Variants in CTDSPL2 observed in about 807,000 individuals in gnomAD.
The protein encoded by CTDSPL2 is CTD small phosphatase-like protein 2.
In CTDSPL2, 5 loss-of-function variants were observed where a neutral mutation model predicts 60.0. The observed-to-expected ratio is 0.08, with a 90% CI of 0.04 to 0.18. The LOEUF is 0.18. CTDSPL2 is among the 10% of genes least tolerant of loss of function. CTDSPL2 has a pLI of 1.00. For missense variants in CTDSPL2, 370 were observed against 548.8 expected (o/e 0.67, Z 3.26); for synonymous variants, 186 against 189.3 (o/e 0.98, Z 0.14).
chr15:44,513,071 CAA>C (rs1182992155), intron 8 of CTDSPL2, among the ~76,000 whole-genome samples: 1 of 99,142 alleles, frequency 1.0e-5, no homozygotes, highest in Non-Finnish European at 2.2e-5. Context: ...GACTCCTTCT[CAA>C]AAAAAAAAAA....
chr15:44,482,517 A>T (rs893711784), intron 2 of CTDSPL2, among the ~76,000 whole-genome samples: 3 of 152,076 alleles, frequency 2.0e-5, no homozygotes, highest in Non-Finnish European at 4.4e-5. Context: ...TGTAGTTGAA[A>T]CTGCTGTATT....
chr15:44,462,536 A>G (rs142263338), intron 2 of CTDSPL2, among the ~76,000 whole-genome samples: 3 of 151,916 alleles, frequency 2.0e-5, no homozygotes, highest in African/African-American at 4.8e-5. Flanking sequence ...TCGTGCTCCT[A>G]TGAGAATTTG....
At chr15:44,485,447 A>G (rs764267796) in intron 3 of CTDSPL2, among the ~76,000 whole-genome samples, 20 of 152,326 alleles carry the variant, frequency 1.3e-4, no homozygotes, top group Admixed American at 1.0e-3. Flanking sequence ...TCAGGATGAA[A>G]CTGTTCCATC....
chr15:44,440,898 G>T (rs180998729), intron 1 of CTDSPL2, among the ~76,000 whole-genome samples: 1 of 152,120 alleles, frequency 6.6e-6, no homozygotes, highest in Non-Finnish European at 1.5e-5. Context: ...TGTTGTTGCA[G>T]AGGGTACCTT....
At chr15:44,466,203 C>T (rs1170281782) in intron 2 of CTDSPL2, among the ~76,000 whole-genome samples, 5 of 152,122 alleles carry the variant, frequency 3.3e-5, no homozygotes, top group Non-Finnish European at 5.9e-5. Context: ...TCCCAAAGTG[C>T]TGGGATTACA....
rs939885404 is a variant in CTDSPL2, at chr15:44,455,976, G to A, written c.-24-3015G>A. ...CGCCATTCTCCTGCCTCAGCCTCCCGAGTAGCTGGGACTACAGGCGCCCGC... is the reference window on the plus strand; with the variant it reads ...CGCCATTCTCCTGCCTCAGCCTCCCAAGTAGCTGGGACTACAGGCGCCCGC... On this transcript the variant is annotated intron_variant, in intron 1 of 12. Coordinates refer to ENST00000260327, the MANE Select transcript of CTDSPL2 (RefSeq NM_016396.3). 2.0e-4 allele frequency among the ~76,000 whole-genome samples: 29 copies of A among 145,044 alleles called. No homozygotes were observed. The South Asian group carries it at 6.1e-3, about 31-fold the overall frequency.
chr15:44,448,119 T>G, intron 1 of CTDSPL2: 1 of 254,102 alleles, frequency 3.9e-6, no homozygotes, highest in Admixed American at 4.3e-5. Context: ...CCCCCATACC[T>G]GCAGGAACCA....
intron 1 of CTDSPL2, among the ~76,000 whole-genome samples, chr15:44,458,660 G>A (rs1314389884): frequency 2.0e-5 from 3 of 152,136 alleles, no homozygotes; most frequent in Non-Finnish European, 4.4e-5. Context: ...TTTGTCGAAC[G>A]AACGATTAAA....
intron 2 of CTDSPL2, among the ~76,000 whole-genome samples, chr15:44,471,680 A>G (rs897513000): frequency 2.0e-5 from 3 of 152,174 alleles, no homozygotes; most frequent in Non-Finnish European, 4.4e-5. Flanking sequence ...TAAATTCAGT[A>G]GCTTTTAGTA....
chr15:44,487,806 G>A (rs565644239), intron 4 of CTDSPL2, among the ~76,000 whole-genome samples: 11 of 152,244 alleles, frequency 7.2e-5, no homozygotes, highest in African/African-American at 2.6e-4. Context: ...CAAGGTGAAA[G>A]CAATTTTATT....
chr15:44,478,564 A>G (rs554938074), intron 2 of CTDSPL2, among the ~76,000 whole-genome samples: 2 of 151,916 alleles, frequency 1.3e-5, no homozygotes, highest in South Asian at 4.2e-4. Flanking sequence ...TGCTGGATAT[A>G]AAATCCTTAA....
intron 2 of CTDSPL2, among the ~76,000 whole-genome samples, chr15:44,483,151 C>T (rs994691935): frequency 6.6e-6 from 1 of 151,578 alleles, no homozygotes; most frequent in East Asian, 1.9e-4. Context: ...CCCAGCTACT[C>T]GGGAGGCTCA....
At chr15:44,438,173 A>T (rs1372415272) in intron 1 of CTDSPL2, among the ~76,000 whole-genome samples, 1 of 152,014 alleles carries the variant, frequency 6.6e-6, no homozygotes, top group East Asian at 1.9e-4. Context: ...CTGGGGCAGG[A>T]GAATGGCGTG....
intron 12 of CTDSPL2, among the ~76,000 whole-genome samples, chr15:44,522,923 T>C (rs1353892429): frequency 2.6e-5 from 4 of 152,218 alleles, no homozygotes; most frequent in Non-Finnish European, 5.9e-5. Context: ...CCCTTTTACC[T>C]GTCTTGGTTT....
intron 2 of CTDSPL2, among the ~76,000 whole-genome samples, chr15:44,467,786 G>A (rs1450918496): frequency 6.6e-6 from 1 of 152,110 alleles, no homozygotes; most frequent in Non-Finnish European, 1.5e-5. Context: ...TGTTGGCCAG[G>A]CTGGTCTTGA....
rs367865594 is a variant in CTDSPL2 at position 44,448,254 on chromosome 15, C to T, written c.-24-10737C>T. 1.7e-4 allele frequency: 48 copies of T among 290,662 alleles called. 2 individuals are homozygous for T. Among genetic ancestry groups the T allele is most frequent in the African/African-American group, 6.8e-4 (31 of 45,628 alleles). The allele number at this position is 290,662 out of a possible 1,614,324, so 18.0% of individuals were successfully genotyped here. On this transcript the variant is annotated intron_variant, in intron 1 of 12. Transcript: ENST00000260327. ...GCTCCAGGCCGGAGCCACTGCGCTC[C>T]GTGACCTTGCCTGTGTGCTGGATGC...
rs1006936629 is a variant in CTDSPL2, at chr15:44,508,648, C to T, written c.970-5950C>T. 7.2e-5 allele frequency among the ~76,000 whole-genome samples: 11 copies of T among 152,138 alleles called. No homozygotes were observed. In the South Asian group the frequency reaches 1.9e-3, roughly 26 times the overall value. Reference sequence around the variant, plus strand: ...TTTTTGAAAGTTATGGTCTGCCGGGCGCTGTGGCTAGCCCCTGTAATCCCA... The same window carrying T: ...TTTTTGAAAGTTATGGTCTGCCGGGTGCTGTGGCTAGCCCCTGTAATCCCA... On this transcript the variant is annotated intron_variant, in intron 8 of 12. Coordinates refer to ENST00000260327, the MANE Select transcript of CTDSPL2 (RefSeq NM_016396.3).
chr15:44,497,154 G>C lies in CTDSPL2; in HGVS notation c.882+16G>C. ...TTTAGACTTGGTAAGTATATTATCTGTAGAGGTAGAGAGAATAAAGGGGTG... is the reference window on the plus strand; with the variant it reads ...TTTAGACTTGGTAAGTATATTATCTCTAGAGGTAGAGAGAATAAAGGGGTG... On this transcript the variant is annotated intron_variant, in intron 7 of 12. Transcript: ENST00000260327. The C allele has an allele frequency of 1.4e-6, 2 of 1,380,324 alleles. No homozygotes were observed. The highest frequency in any genetic ancestry group is 1.0e-6 in the Non-Finnish European group (1 of 981,992). 85.5% of individuals were successfully genotyped at this position (1,380,324 alleles called of 1,614,324 possible).
intron 8 of CTDSPL2, among the ~76,000 whole-genome samples, chr15:44,507,040 TA>T (rs1175681275): frequency 1.3e-5 from 2 of 151,712 alleles, no homozygotes; most frequent in African/African-American, 4.8e-5. Flanking sequence ...GTGCTGAGAT[TA>T]CAGGCGTGAG....
Sources: allele counts gnomAD v4.1 joint callset (sites outside exome capture counted in the v4.1 genomes callset), GRCh38; gene constraint gnomAD v4.1.1; transcripts MANE v1.5; gene names NCBI Gene and HGNC (gene_info 2026-07-23, HGNC 2026-07-21).